TAFA1: variants seen among roughly 807,000 people sequenced by gnomAD.
TAFA1 encodes chemokine-like protein TAFA-1.
A neutral mutation model predicts 18.5 loss-of-function variants in TAFA1; 4 were observed. The ratio of observed to expected loss-of-function variants is 0.22; its 90% CI spans 0.11 to 0.49. TAFA1 has a LOEUF of 0.49. Ranked by LOEUF, TAFA1 falls within the 20% of genes least tolerant of loss-of-function variation. The probability of loss-of-function intolerance (pLI) is 0.98; values close to 1 mark genes in which losing one functional copy is unlikely to be tolerated. For synonymous variants in TAFA1, 56 were observed against 55.2 expected (o/e 1.01, Z -0.06); for missense variants, 147 against 169.0 (o/e 0.87, Z 0.72).
Position 68,276,264 on chromosome 3 carries a change from C to T in TAFA1, c.119-141016C>T, listed in dbSNP as rs1284460468. Among the ~76,000 whole-genome samples the T allele has an allele frequency of 3.3e-5, 5 of 152,072 alleles. No homozygotes were observed. The South Asian group carries it at 1.0e-3, about 32-fold the overall frequency. On this transcript the variant is annotated intron_variant, in intron 2 of 4. Coordinates refer to ENST00000478136, the MANE Select transcript of TAFA1 (RefSeq NM_213609.4). ...TATCTAAAGCAACGCTTCTCAACGT[C>T]AGTGCTATTAGCATTTGGGGCTGAA...
At chr3:68,483,324 A>G (rs1253482463) in intron 3 of TAFA1, among the ~76,000 whole-genome samples, 1 of 152,104 alleles carries the variant, frequency 6.6e-6, no homozygotes, top group East Asian at 1.9e-4. Flanking sequence ...AAGCTATTCA[A>G]CTGTACTCTC....
chr3:67,999,893 A>G (rs568871093), upstream of TAFA1, among the ~76,000 whole-genome samples: 8 of 151,854 alleles, frequency 5.3e-5, no homozygotes, highest in Admixed American at 2.6e-4. Context: ...GGTTCAAGCA[A>G]TTCTCCTGTT....
chr3:68,151,449 A>G (rs1480821922), intron 2 of TAFA1, among the ~76,000 whole-genome samples: 1 of 152,128 alleles, frequency 6.6e-6, no homozygotes, highest in African/African-American at 2.4e-5. Flanking sequence ...AATAGAATAC[A>G]CCAGACTTAG....
At chr3:68,250,270 C>T (rs944581575) in intron 2 of TAFA1, among the ~76,000 whole-genome samples, 21 of 152,264 alleles carry the variant, frequency 1.4e-4, no homozygotes, top group Non-Finnish European at 2.1e-4. Context: ...GTACACATGG[C>T]TGTTATTACT....
At chr3:68,141,639 C>T (rs962226687) in intron 2 of TAFA1, among the ~76,000 whole-genome samples, 1 of 152,176 alleles carries the variant, frequency 6.6e-6, no homozygotes, top group African/African-American at 2.4e-5. Context: ...AAGTTTTGGT[C>T]TGCTGGCCTT....
chr3:68,467,238 C>T (rs1249807600), intron 3 of TAFA1, among the ~76,000 whole-genome samples: 4 of 152,132 alleles, frequency 2.6e-5, no homozygotes, highest in Non-Finnish European at 5.9e-5. Context: ...GCAGTCAACA[C>T]AGGGTCCTGA....
intron 2 of TAFA1, among the ~76,000 whole-genome samples, chr3:68,102,197 C>T (rs2065155148): frequency 1.3e-5 from 2 of 152,022 alleles, no homozygotes; most frequent in Non-Finnish European, 2.9e-5. Flanking sequence ...TAGGTAGAAA[C>T]GTCAATGTTG....
chr3:68,427,699 G>A (rs2071083759), intron 3 of TAFA1, among the ~76,000 whole-genome samples: 1 of 151,816 alleles, frequency 6.6e-6, no homozygotes, highest in Admixed American at 6.6e-5. Context: ...ATTACCCATT[G>A]ATAAAGTTTG....
At chr3:68,384,191 T>C (rs1013865606) in intron 2 of TAFA1, among the ~76,000 whole-genome samples, 2 of 152,046 alleles carry the variant, frequency 1.3e-5, no homozygotes, top group Non-Finnish European at 2.9e-5. Flanking sequence ...AGTTCAGCTC[T>C]AATTTCGGTT....
chr3:68,054,121 T>G (rs1267802581), intron 2 of TAFA1, among the ~76,000 whole-genome samples: 2 of 152,164 alleles, frequency 1.3e-5, no homozygotes, highest in Non-Finnish European at 2.9e-5. Flanking sequence ...TGGCAAACTA[T>G]GTTGCTATAG....
intron 2 of TAFA1, among the ~76,000 whole-genome samples, chr3:68,169,129 G>A (rs1008769750): frequency 3.3e-5 from 5 of 151,918 alleles, no homozygotes; most frequent in African/African-American, 7.3e-5. Flanking sequence ...TTCCCACACC[G>A]AATCCAGGCT....
At chr3:68,356,457 A>T (rs889424142) in intron 2 of TAFA1, among the ~76,000 whole-genome samples, 1 of 151,906 alleles carries the variant, frequency 6.6e-6, no homozygotes, top group Non-Finnish European at 1.5e-5. Context: ...CAACAATCTC[A>T]GGTACAGTAA....
chr3:68,130,573 A>G (rs190710234), intron 2 of TAFA1, among the ~76,000 whole-genome samples: 2 of 152,292 alleles, frequency 1.3e-5, no homozygotes, highest in East Asian at 3.9e-4. Flanking sequence ...ACCTTCTAAA[A>G]GCTTCTCTTT....
intron 2 of TAFA1, among the ~76,000 whole-genome samples, chr3:68,234,331 C>G (rs1559569267): frequency 6.6e-6 from 1 of 152,132 alleles, no homozygotes; most frequent in African/African-American, 2.4e-5. Context: ...TGGCAGCTTT[C>G]CAAGCACACA....
At chr3:68,314,638 C>A (rs2068576930) in intron 2 of TAFA1, among the ~76,000 whole-genome samples, 1 of 152,124 alleles carries the variant, frequency 6.6e-6, no homozygotes, top group Non-Finnish European at 1.5e-5. Flanking sequence ...AATAAGTCGC[C>A]TTTTCACTGA....
Position 68,424,235 on chromosome 3 carries a change from C to A in TAFA1, c.259+6815C>A, listed in dbSNP as rs544783779. On this transcript the variant is annotated intron_variant, in intron 3 of 4. Coordinates refer to ENST00000478136, the MANE Select transcript of TAFA1 (RefSeq NM_213609.4). ...GAGACAGAGAAGACATACATAAAGACTTCGACCCAGGAAAACAGACTGACA... is the reference window on the plus strand; with the variant it reads ...GAGACAGAGAAGACATACATAAAGAATTCGACCCAGGAAAACAGACTGACA... Among the ~76,000 whole-genome samples the A allele has an allele frequency of 9.2e-5, 14 of 152,078 alleles. No homozygotes were observed. The East Asian group carries it at 2.7e-3, about 29-fold the overall frequency.
intron 2 of TAFA1, among the ~76,000 whole-genome samples, chr3:68,178,902 G>A (rs1575663498): frequency 6.6e-6 from 1 of 152,320 alleles, no homozygotes; most frequent in Admixed American, 6.5e-5. Context: ...AAAGTCAGTA[G>A]TATCTCTCTG....
chr3:68,417,029 GTCAATACCTA>G (rs1432933823), intron 2 of TAFA1, among the ~76,000 whole-genome samples: 3 of 152,122 alleles, frequency 2.0e-5, no homozygotes, highest in African/African-American at 7.2e-5. Context: ...TTTATTGCCT[GTCAATACCTA>G]CAGGCCAGAA....
At chr3:68,018,571 A>T (rs9812127) in intron 2 of TAFA1, among the ~76,000 whole-genome samples, 106,652 of 152,106 alleles carry the variant, frequency 0.7, 37,534 homozygotes, top group East Asian at 0.81. Flanking sequence ...AGTCCCTGGT[A>T]TAACTCTGAT....
Sources: allele counts gnomAD v4.1 joint callset (sites outside exome capture counted in the v4.1 genomes callset), GRCh38; gene constraint gnomAD v4.1.1; transcripts MANE v1.5; gene names NCBI Gene and HGNC (gene_info 2026-07-23, HGNC 2026-07-21).